The following KIAA1614 variants were observed in gnomAD, a reference collection of about 807,000 sequenced individuals.
KIAA1614 encodes the protein uncharacterized protein KIAA1614.
A neutral mutation model predicts 88.7 loss-of-function variants in KIAA1614; 76 were observed. The ratio of observed to expected loss-of-function variants is 0.86; its 90% confidence interval spans 0.71 to 1.04. The LOEUF is 1.04. KIAA1614 is among the 50% of genes least tolerant of loss of function. The pLI, the probability that KIAA1614 is intolerant of heterozygous loss-of-function variation, is 0.00. For missense variants in KIAA1614, 1,553 were observed against 1,582.5 expected, an observed-to-expected ratio of 0.98 and a Z score of 0.32; for synonymous variants, 714 against 675.5, an observed-to-expected ratio of 1.06 and a Z score of -0.88.
At chr1:180,922,796 A>T (rs923749435) in intron 3 of KIAA1614, among the ~76,000 whole-genome samples, 1 of 152,152 alleles carries the variant, frequency 6.6e-6, no homozygotes, top group East Asian at 1.9e-4. Flanking sequence ...CTGCCCTGTG[A>T]TTCCACTCAG....
intron 1 of KIAA1614, 48 bp from the exon 2 acceptor site, chr1:180,916,106 G>T (rs1659142430): frequency 1.4e-6 from 2 of 1,453,000 alleles, no homozygotes; most frequent in Non-Finnish European, 9.2e-7. Context: ...GGTTGTGGGG[G>T]TTAGTCCTGT....
At chr1:180,927,939 T>C (rs1222256849) in intron 3 of KIAA1614, among the ~76,000 whole-genome samples, 1 of 152,174 alleles carries the variant, frequency 6.6e-6, no homozygotes, top group East Asian at 1.9e-4. Flanking sequence ...CCCTGATTCT[T>C]TGCATCTGCA....
At position 180,936,642 on chromosome 1, in the gene KIAA1614, G is replaced by T; in HGVS notation, c.2733G>T (p.Pro911=). Residue 911 remains proline, a synonymous_variant, in exon 5 of 9, where the codon CCG becomes CCT. Coordinates refer to ENST00000367588, the MANE Select transcript of KIAA1614 (RefSeq NM_020950.2). ...RVERGPCSRE[P]EPPLENSRDG... is the part of the protein sequence containing the mutation. ...AGAGGGGCCCCTGCAGCCGGGAACCGGAGCCGCCCCTGGAGAACAGCAGAG... is the reference window on the plus strand; with the variant it reads ...AGAGGGGCCCCTGCAGCCGGGAACCTGAGCCGCCCCTGGAGAACAGCAGAG... The T allele has an allele frequency of 6.4e-7, 1 of 1,567,822 alleles. No individual in the cohort carries two copies. The highest frequency in any genetic ancestry group is 8.6e-7 in the Non-Finnish European group (1 of 1,160,184).
Position 180,936,362 on chromosome 1 carries a change from C to T in KIAA1614, c.2453C>T (p.Ser818Leu), listed in dbSNP as rs371498831. Residue 818 changes from serine to leucine, a missense_variant, in exon 5 of 9, where the codon TCG becomes TTG. By Grantham distance (145) the Ser-to-Leu change is moderately radical (BLOSUM62 -2). Coordinates refer to ENST00000367588, the MANE Select transcript of KIAA1614 (RefSeq NM_020950.2). Reference protein sequence around the residue: ...PTPPPSRKTTSPVSHRKAALA... With the variant: ...PTPPPSRKTTLPVSHRKAALA... ...CCTCCCCCTTCGAGGAAAACCACCTCGCCAGTGTCTCACAGGAAGGCAGCC... is the reference window on the plus strand; with the variant it reads ...CCTCCCCCTTCGAGGAAAACCACCTTGCCAGTGTCTCACAGGAAGGCAGCC... The T allele has an allele frequency of 4.1e-4, 655 of 1,614,080 alleles. 1 individual carries two copies. Among genetic ancestry groups the T allele is most frequent in the Non-Finnish European group, 5.5e-4 (644 of 1,180,016 alleles).
At chr1:180,939,465 C>T (rs565737910) in intron 6 of KIAA1614, among the ~76,000 whole-genome samples, 6 of 152,168 alleles carry the variant, frequency 3.9e-5, no homozygotes, top group Non-Finnish European at 8.8e-5. Flanking sequence ...CACACAAGCC[C>T]GAATCCAGGA....
At chr1:180,943,653 G>A (rs1654522303) in intron 7 of KIAA1614, among the ~76,000 whole-genome samples, 1 of 145,096 alleles carries the variant, frequency 6.9e-6, no homozygotes, top group Non-Finnish European at 1.5e-5. Flanking sequence ...GTTCAAGTGA[G>A]TCTCCTGCTT....
At chr1:180,944,558 T>C in intron 8 of KIAA1614, 42 bp downstream of exon 8, 1 of 1,597,744 alleles carries the variant, frequency 6.3e-7, no homozygotes. Context: ...ACTCAGAGAG[T>C]GACCAGCGGA....
intron 5 of KIAA1614, among the ~76,000 whole-genome samples, chr1:180,937,586 GACC>G (rs1654361965): frequency 6.6e-6 from 1 of 152,130 alleles, no homozygotes; most frequent in Non-Finnish European, 1.5e-5. Flanking sequence ...GCTCTAATGT[GACC>G]ACGGCTCTGA....
At chr1:180,932,374 TA>T (rs59739751) in intron 4 of KIAA1614, among the ~76,000 whole-genome samples, 18 of 151,436 alleles carry the variant, frequency 1.2e-4, no homozygotes, top group Admixed American at 9.2e-4. Context: ...TCTTTCTCCA[TA>T]AAAAAAAATT....
chr1:180,924,780 G>A (rs1654031105), intron 3 of KIAA1614, among the ~76,000 whole-genome samples: 1 of 151,938 alleles, frequency 6.6e-6, no homozygotes, highest in Non-Finnish European at 1.5e-5. Flanking sequence ...CCTTGCTGAC[G>A]ACAAAGTGAT....
At chr1:180,914,947 G>A (rs1396957276) in intron 1 of KIAA1614, among the ~76,000 whole-genome samples, 2 of 151,958 alleles carry the variant, frequency 1.3e-5, no homozygotes, top group African/African-American at 4.8e-5. Flanking sequence ...GATTACAGGT[G>A]TGAGCCACCG....
rs1558070043 is a variant in KIAA1614, at chr1:180,935,515, T to C, written c.1606T>C (p.Cys536Arg). ...APPAPGSERR[C>R]QACGSCIDDP... Reference sequence around the variant, plus strand: ...GCCGGCACCGGGCAGCGAGAGGAGGTGCCAGGCCTGCGGCAGCTGCATCGA... The same window carrying C: ...GCCGGCACCGGGCAGCGAGAGGAGGCGCCAGGCCTGCGGCAGCTGCATCGA... Residue 536 changes from cysteine (C) to arginine (R), a missense_variant, in exon 5 of 9, where the codon TGC becomes CGC. Physicochemically the swap from Cys to Arg is radical, Grantham distance 180. Coordinates refer to ENST00000367588, the MANE Select transcript of KIAA1614 (RefSeq NM_020950.2). This position sits in a 1 kb window ranked among gnomAD's most constrained non-coding sequence, Gnocchi z 6.1. 1 of 1,539,308 alleles carries C rather than the reference T, an allele frequency of 6.5e-7. No individual in the cohort carries two copies. The highest frequency in any genetic ancestry group is 8.7e-7 in the Non-Finnish European group (1 of 1,146,712).
At chr1:180,942,428 G>C (rs1461869340) in intron 7 of KIAA1614, among the ~76,000 whole-genome samples, 6 of 152,228 alleles carry the variant, frequency 3.9e-5, no homozygotes, top group Non-Finnish European at 7.3e-5. Context: ...AAGCAGGTGA[G>C]AGCGGTTTGC....
At position 180,945,567 on chromosome 1, in the gene KIAA1614, G is replaced by A. The variant is rs1227027571; in HGVS notation, c.3552G>A (p.Glu1184=). 1.9e-6 allele frequency: 3 copies of A among 1,612,342 alleles called. No individual in the cohort carries two copies. Among genetic ancestry groups the A allele is most frequent in the Admixed American group, 1.7e-5 (1 of 59,636 alleles). The change falls in exon 9 of 9, where the codon GAG becomes GAA. Residue 1184 remains glutamate (E), a synonymous_variant. Transcript: ENST00000367588. ...GCAGGGCCTTCTGGCTGTGGTCAGAGGCTTTTCTGGTCTTTGGCTGAGCCG... is the reference window on the plus strand; with the variant it reads ...GCAGGGCCTTCTGGCTGTGGTCAGAAGCTTTTCTGGTCTTTGGCTGAGCCG... ...KQGRAFWLWS[E]AFLVFG is the part of the protein sequence containing the mutation.
intron 7 of KIAA1614, among the ~76,000 whole-genome samples, chr1:180,943,020 T>C (rs1362832834): frequency 1.0e-5 from 1 of 97,024 alleles, no homozygotes; most frequent in Non-Finnish European, 2.2e-5. Flanking sequence ...GGAGGCTTAG[T>C]TTTTTGGGTT....
At position 180,916,794 on chromosome 1, in the gene KIAA1614, A is replaced by T; in HGVS notation, c.691A>T (p.Ile231Phe). The T allele has an allele frequency of 1.9e-6, 3 of 1,614,202 alleles. No homozygotes were observed. Among genetic ancestry groups the T allele is most frequent in the African/African-American group, 1.3e-5 (1 of 75,060 alleles). Residue 231 changes from isoleucine (I) to phenylalanine (F), a missense_variant, in exon 2 of 9, where the codon ATC becomes TTC. Transcript: ENST00000367588. ...GGGTCCTGGTCATTGTAACAAAATC[A>T]TCCACATTCCCAGCCCAAGGACAGG... Reference protein sequence around the residue: ...PGGPGHCNKIIHIPSPRTGRS... With the variant: ...PGGPGHCNKIFHIPSPRTGRS...
At position 180,950,534 on chromosome 1, in the gene KIAA1614, C is replaced by A; in HGVS notation, c.*4946C>A. The A allele has an allele frequency of 1.8e-6, 2 of 1,095,140 alleles. No individual in the cohort carries two copies. The highest frequency in any genetic ancestry group is 2.2e-6 in the Non-Finnish European group (2 of 889,926). The allele number at this position is 1,095,140 out of a possible 1,614,324, so 67.8% of individuals were successfully genotyped here. A position where few individuals can be genotyped will look rare whatever the true frequency, so the allele number is the denominator to read the frequency against. On this transcript the variant is annotated 3_prime_UTR_variant, in exon 9 of 9. Coordinates refer to ENST00000367588, the MANE Select transcript of KIAA1614 (RefSeq NM_020950.2). ...GAGGCAGAGACCTGTCCCACGGTGACCCAGAAGTGCCGCTGCCCTCACTGT... is the reference window on the plus strand; with the variant it reads ...GAGGCAGAGACCTGTCCCACGGTGAACCAGAAGTGCCGCTGCCCTCACTGT...
At chr1:180,923,181 C>T (rs2102260211) in intron 3 of KIAA1614, among the ~76,000 whole-genome samples, 1 of 152,308 alleles carries the variant, frequency 6.6e-6, no homozygotes, top group Middle Eastern at 3.4e-3. Flanking sequence ...GTGGAGGCCT[C>T]ATTATGTAGG....
intron 6 of KIAA1614, 39 bp from the exon 7 acceptor site, chr1:180,941,006 G>GGGCGGCC: frequency 1.1e-6 from 1 of 908,444 alleles, no homozygotes; most frequent in Non-Finnish European, 1.5e-6. Flanking sequence ...CACCCTCCCG[G>GGGCGGCC]CCCTCCCCCG....
Sources: allele counts gnomAD v4.1 joint callset (sites outside exome capture counted in the v4.1 genomes callset), GRCh38; gene constraint gnomAD v4.1.1; non-coding constraint Gnocchi (gnomAD v3.1); transcripts MANE v1.5; gene names NCBI Gene and HGNC (gene_info 2026-07-23, HGNC 2026-07-21).